The following S100A13 variants were observed in gnomAD, a reference collection of about 807,000 sequenced individuals.
The protein encoded by S100A13 is S100 calcium binding protein A13.
Under a neutral mutation model 8.2 loss-of-function variants are expected in S100A13, and 6 were observed. That is an observed-to-expected ratio of 0.73 (90% CI 0.40 to 1.44). The LOEUF is 1.44. Among genes scored for constraint, S100A13 ranks in the 40% most tolerant of loss-of-function variants. The pLI, the probability that S100A13 is intolerant of heterozygous loss-of-function variation, is 0.02. For missense variants in S100A13, 114 were observed against 113.6 expected (o/e 1.00, Z -0.02); for synonymous variants, 39 against 45.9 (o/e 0.85, Z 0.61).
At chr1:153,620,035 T>A (rs1447904333) in intron 2 of S100A13, among the ~76,000 whole-genome samples, 1 of 152,008 alleles carries the variant, frequency 6.6e-6, no homozygotes, top group African/African-American at 2.4e-5. Context: ...GCCTGTAATC[T>A]CAACGCTTTG....
chr1:153,628,697 T>A, upstream of S100A13: 1 of 911,838 alleles, frequency 1.1e-6, no homozygotes, highest in Non-Finnish European at 1.6e-6. Context: ...GAACTGAAGG[T>A]CGGAGAGAGA....
chr1:153,632,155 A>G, upstream of S100A13: 1 of 279,732 alleles, frequency 3.6e-6, no homozygotes, highest in Non-Finnish European at 6.7e-6. Context: ...GGTGCATTAC[A>G]TCTTCCTACT....
upstream of S100A13, chr1:153,631,200 T>C: frequency 2.2e-6 from 1 of 457,082 alleles, no homozygotes; most frequent in Non-Finnish European, 3.9e-6. Flanking sequence ...AAAACTAGGC[T>C]GCTAAGGCTA....
upstream of S100A13, chr1:153,628,129 A>G: frequency 1.3e-6 from 2 of 1,550,530 alleles, no homozygotes; most frequent in Admixed American, 3.9e-5. Context: ...ACCGGGCTCA[A>G]CCAGCACAGC....
intron 2 of S100A13, 37 bp downstream of exon 2, chr1:153,626,283 T>C (rs1282264636): frequency 6.3e-7 from 1 of 1,599,238 alleles, no homozygotes; most frequent in African/African-American, 1.3e-5. Flanking sequence ...CCCATAATCA[T>C]CATCTCACAA....
chr1:153,632,085 A>G, upstream of S100A13: 1 of 524,746 alleles, frequency 1.9e-6, no homozygotes, highest in Admixed American at 3.3e-5. Context: ...TGGAGACGTG[A>G]AGACTGTTCA....
chr1:153,631,712 G>A (rs2101645488), upstream of S100A13: 2 of 1,614,182 alleles, frequency 1.2e-6, no homozygotes, highest in Non-Finnish European at 1.7e-6. Context: ...AGAAGGATGT[G>A]GATGCTGTGG....
chr1:153,626,262 A>C (rs139898000), intron 2 of S100A13, 58 bp downstream of exon 2: 2 of 1,530,926 alleles, frequency 1.3e-6, no homozygotes, highest in Non-Finnish European at 1.8e-6. Flanking sequence ...ATCACGTCCT[A>C]AACACAGTGT....
At chr1:153,630,869 G>A (rs1408357870), upstream of S100A13, 4 of 597,212 alleles carry the variant, frequency 6.7e-6, no homozygotes, top group Admixed American at 9.1e-5. Flanking sequence ...CCTGTTAAGT[G>A]TTAGGCCCTG....
chr1:153,619,031 C>T lies in S100A13; in HGVS notation c.161G>A (p.Gly54Asp). 1 of 1,613,530 alleles carries T rather than the reference C, an allele frequency of 6.2e-7. No homozygotes were observed. The highest frequency in any genetic ancestry group is 1.7e-5 in the Admixed American group (1 of 59,986). Residue 54 changes from glycine to aspartate, a missense_variant, in exon 3 of 3, where the codon GGC (glycine) becomes GAC (aspartate). Physicochemically the swap from Gly to Asp is moderately conservative, Grantham distance 94. Coordinates refer to ENST00000476133, the MANE Select transcript of S100A13 (RefSeq NM_001024211.2). ...GCTCTTCATCTTCTCATCAAGAGAGCCCACATCCTGAGGAGACACCAAAGG... is the reference window on the plus strand; with the variant it reads ...GCTCTTCATCTTCTCATCAAGAGAGTCCACATCCTGAGGAGACACCAAAGG... ...QQLPHLLKDV[G>D]SLDEKMKSLD...
At chr1:153,622,136 G>A (rs9700870) in intron 2 of S100A13, among the ~76,000 whole-genome samples, 3,882 of 151,714 alleles carry the variant, frequency 0.026, 153 homozygotes, top group African/African-American at 0.089. Flanking sequence ...TTGGGAGGCC[G>A]AGGCAGGCAG....
At chr1:153,619,320 G>A (rs1378697458) in intron 2 of S100A13, among the ~76,000 whole-genome samples, 1 of 152,134 alleles carries the variant, frequency 6.6e-6, no homozygotes, top group Non-Finnish European at 1.5e-5. Flanking sequence ...ACAGGTTGTC[G>A]CTGAATACAA....
At chr1:153,624,895 T>G (rs978004129) in intron 2 of S100A13, among the ~76,000 whole-genome samples, 30 of 152,112 alleles carry the variant, frequency 2.0e-4, no homozygotes, top group Non-Finnish European at 2.9e-5. Flanking sequence ...GCCAACATAG[T>G]GAAACCCCGT....
chr1:153,631,325 G>C, upstream of S100A13: 1 of 826,302 alleles, frequency 1.2e-6, no homozygotes, highest in South Asian at 1.8e-5. Context: ...GTGGGACTTT[G>C]GGCATATTTA....
chr1:153,628,492 C>T (rs768917725), upstream of S100A13: 2 of 1,550,748 alleles, frequency 1.3e-6, no homozygotes, highest in African/African-American at 1.4e-5. Context: ...AGGCCCAGGC[C>T]AACCGTGAGT....
upstream of S100A13, chr1:153,628,379 G>A (rs1442480924): frequency 6.5e-7 from 1 of 1,547,926 alleles, no homozygotes; most frequent in Non-Finnish European, 8.7e-7. Flanking sequence ...GGAGTCGGTG[G>A]GGGGGTCAGC....
At chr1:153,620,218 C>T (rs1351277884) in intron 2 of S100A13, among the ~76,000 whole-genome samples, 4 of 151,696 alleles carry the variant, frequency 2.6e-5, no homozygotes, top group South Asian at 2.1e-4. Flanking sequence ...ACCTGGGAGG[C>T]GGAGGTTGTG....
chr1:153,621,360 T>C (rs1430975891), intron 2 of S100A13, among the ~76,000 whole-genome samples: 1 of 151,806 alleles, frequency 6.6e-6, no homozygotes, highest in Non-Finnish European at 1.5e-5. Flanking sequence ...TTTCACCATG[T>C]TTGCCAGGCT....
chr1:153,626,365 G>C lies in S100A13; in HGVS notation c.108C>G (p.Asn36Lys), dbSNP rs779243655. ...GCTGGGTAACCAGCTCTTTGAACTC[G>C]TTGACGCTGAGGCTATCCTTCCGGC... is the stretch of plus-strand genomic sequence containing the variant. Reference protein sequence around the residue: ...QEGRKDSLSVNEFKELVTQQL... With the variant: ...QEGRKDSLSVKEFKELVTQQL... Residue 36 changes from asparagine (N) to lysine (K), a missense_variant, in exon 2 of 3, where the codon AAC becomes AAG. Asn to Lys is a moderately conservative substitution (Grantham distance 94). Coordinates refer to ENST00000476133, the MANE Select transcript of S100A13 (RefSeq NM_001024211.2). 1.9e-6 allele frequency: 3 copies of C among 1,614,170 alleles called. No homozygotes were observed. The highest frequency in any genetic ancestry group is 2.5e-6 in the Non-Finnish European group (3 of 1,180,012).
Sources: allele counts gnomAD v4.1 joint callset (sites outside exome capture counted in the v4.1 genomes callset), GRCh38; gene constraint gnomAD v4.1.1; transcripts MANE v1.5; gene names NCBI Gene and HGNC (gene_info 2026-07-23, HGNC 2026-07-21).